CNTRL: variants seen among roughly 807,000 people sequenced by gnomAD.
CNTRL encodes centriolin, also known as 110 kDa centrosomal protein.
A neutral mutation model predicts 303.7 loss-of-function variants in CNTRL; 233 were observed. The observed-to-expected ratio is 0.77, with a 90% CI of 0.69 to 0.86. CNTRL has a LOEUF of 0.86. CNTRL is among the 40% of genes least tolerant of loss of function. CNTRL has a pLI of 0.00. For missense variants in CNTRL, 2,524 were observed against 2,650.6 expected (o/e 0.95, Z 1.05); for synonymous variants, 900 against 922.2 (o/e 0.98, Z 0.44).
At chr9:121,118,973 G>C (rs991280911) in intron 12 of CNTRL, among the ~76,000 whole-genome samples, 15 of 152,122 alleles carry the variant, frequency 9.9e-5, no homozygotes, top group Admixed American at 1.3e-4. Flanking sequence ...GGTATCTGCA[G>C]GGAATCCTGG....
intron 1 of CNTRL, among the ~76,000 whole-genome samples, chr9:121,080,105 A>G (rs931387009): frequency 6.6e-6 from 1 of 152,238 alleles, no homozygotes; most frequent in Non-Finnish European, 1.5e-5. Flanking sequence ...TGGTCATTAA[A>G]AACATGGGTT....
chr9:121,146,860 G>A (rs549388886), intron 23 of CNTRL, among the ~76,000 whole-genome samples: 5 of 152,338 alleles, frequency 3.3e-5, no homozygotes, highest in African/African-American at 9.6e-5. Context: ...AGCAGTGAGC[G>A]TTGGGCTTTT....
intron 6 of CNTRL, among the ~76,000 whole-genome samples, chr9:121,097,011 C>G (rs2048921501): frequency 6.6e-6 from 1 of 150,564 alleles, no homozygotes; most frequent in African/African-American, 2.4e-5. Flanking sequence ...TTCAAATTTA[C>G]CAGTTTATTT....
intron 2 of CNTRL, among the ~76,000 whole-genome samples, chr9:121,081,742 C>T (rs1376029518): frequency 6.6e-6 from 1 of 152,230 alleles, no homozygotes; most frequent in African/African-American, 2.4e-5. Flanking sequence ...TTCCAGACAC[C>T]TCCACATGTT....
chr9:121,171,726 T>TA, intron 40 of CNTRL, 178 bp downstream of exon 40: 1 of 481,796 alleles, frequency 2.1e-6, no homozygotes, highest in Non-Finnish European at 3.6e-6. Flanking sequence ...CCTTGACTAT[T>TA]AAAAATATAA....
intron 9 of CNTRL, 78 bp from the exon 10 acceptor site, chr9:121,113,424 C>A: frequency 2.9e-6 from 2 of 691,616 alleles, no homozygotes; most frequent in Non-Finnish European, 2.3e-6. Context: ...GATATGTTTG[C>A]CACTAATAAA....
At chr9:121,103,158 G>C (rs1424869427) in intron 7 of CNTRL, among the ~76,000 whole-genome samples, 1 of 152,122 alleles carries the variant, frequency 6.6e-6, no homozygotes, top group African/African-American at 2.4e-5. Context: ...ATACTACAAG[G>C]CTACAGTAAA....
chr9:121,088,018 G>T (rs879443903), intron 2 of CNTRL, among the ~76,000 whole-genome samples: 6 of 152,264 alleles, frequency 3.9e-5, no homozygotes, highest in Middle Eastern at 3.4e-3. Flanking sequence ...TGGGTAAAAG[G>T]GGCCTTGGGA....
Position 121,108,006 on chromosome 9 carries a change from A to AT in CNTRL, c.1002+15dup. 1 of 1,544,176 alleles carries AT rather than the reference A, an allele frequency of 6.5e-7. No homozygotes were observed. The highest frequency in any genetic ancestry group is 1.2e-5 in the South Asian group (1 of 80,874). The stretch of plus-strand genomic sequence containing the variant: ...ACAAAAAATGAATTGGTAAGTTCAT[A>AT]TTTTACATTGCTTTGGCTGTATTCT... On this transcript the variant is annotated intron_variant, in intron 8 of 43. Transcript: ENST00000373855.
At chr9:121,171,718 T>G (rs868838175) in intron 40 of CNTRL, 170 bp downstream of exon 40, 69 of 500,750 alleles carry the variant, frequency 1.4e-4, no homozygotes, top group African/African-American at 1.2e-3. Flanking sequence ...GAAACACACC[T>G]TGACTATTAA....
In CNTRL at chr9:121,173,263, G is replaced by T; in HGVS notation, c.6438G>T (p.Leu2146Phe). 1 of 1,610,542 alleles carries T rather than the reference G, an allele frequency of 6.2e-7. No individual in the cohort carries two copies. The highest frequency in any genetic ancestry group is 1.1e-5 in the South Asian group (1 of 90,234). ...LKKQMANQKD[L>F]ERRQMEISDA... ...TTTAGATGGCAAACCAAAAAGATTTGGAGAGAAGACAAATGGAAATCAGTG... is the reference window on the plus strand; with the variant it reads ...TTTAGATGGCAAACCAAAAAGATTTTGAGAGAAGACAAATGGAAATCAGTG... Residue 2146 changes from leucine to phenylalanine, a missense_variant, in exon 41 of 44, where the codon TTG becomes TTT. Leu to Phe is a conservative substitution (Grantham distance 22). Coordinates refer to ENST00000373855, the MANE Select transcript of CNTRL (RefSeq NM_007018.6).
At position 121,138,563 on chromosome 9, in the gene CNTRL, C is replaced by T. The variant is rs373327837; in HGVS notation, c.2221C>T (p.Gln741Ter). 52 of 1,613,718 alleles carry T rather than the reference C, an allele frequency of 3.2e-5. No individual in the cohort carries two copies. Among genetic ancestry groups the T allele is most frequent in the Non-Finnish European group, 4.2e-5 (50 of 1,179,804 alleles). ...RLTQLEQSAL[Q>*]AELEKERQAL... ...GTGACAGTTAGAACAATCAGCCCTTCAAGCAGAACTTGAGAAGGAAAGGCA... is the reference window on the plus strand; with the variant it reads ...GTGACAGTTAGAACAATCAGCCCTTTAAGCAGAACTTGAGAAGGAAAGGCA... Residue 741 changes from glutamine to a stop codon, truncating the protein, a stop_gained, in exon 16 of 44, where the codon CAA becomes TAA. Transcript: ENST00000373855. LOFTEE classifies it high-confidence loss of function.
At chr9:121,167,396 G>A (rs146682773) in intron 36 of CNTRL, 93 bp from the exon 37 acceptor site, 4 of 971,270 alleles carry the variant, frequency 4.1e-6, no homozygotes, top group African/African-American at 1.6e-5. Context: ...TATGCCTCTC[G>A]TTCTGTCAGA....
At chr9:121,138,776 T>A in intron 16 of CNTRL, 97 bp downstream of exon 16, 1 of 1,254,380 alleles carries the variant, frequency 8.0e-7, no homozygotes, top group Non-Finnish European at 1.1e-6. Flanking sequence ...TAACATGTAG[T>A]AAGCAATTTG....
chr9:121,154,805 T>G lies in CNTRL; in HGVS notation c.4257T>G (p.Asp1419Glu). Residue 1419 changes from aspartate (D) to glutamate (E), a missense_variant, in exon 27 of 44, where the codon GAT becomes GAG. Coordinates refer to ENST00000373855, the MANE Select transcript of CNTRL (RefSeq NM_007018.6). ...TCAAACATCATGAAGATATTGTAGA[T>G]GAAATTGAGTGCATTGAGAAGACTC... is the stretch of plus-strand genomic sequence containing the variant. ...KSLKHHEDIV[D>E]EIECIEKTLL... The G allele has an allele frequency of 1.2e-6, 2 of 1,613,016 alleles. No homozygotes were observed. The highest frequency in any genetic ancestry group is 1.7e-6 in the Non-Finnish European group (2 of 1,179,012).
rs573619351 is a variant in CNTRL, at chr9:121,158,894, C to G, written c.4804C>G (p.Gln1602Glu). ...GCAGGAGATGGCTGTCTTGGACAGG[C>G]AGTTAGGGCATAAAAAGGAGGAGCT... is the stretch of plus-strand genomic sequence containing the variant. ...QQQEMAVLDR[Q>E]LGHKKEELHL... is the part of the protein sequence containing the mutation. The change falls in exon 31 of 44, where the codon CAG becomes GAG. Residue 1602 changes from glutamine (Q) to glutamate (E), a missense_variant. Coordinates refer to ENST00000373855, the MANE Select transcript of CNTRL (RefSeq NM_007018.6). The G allele has an allele frequency of 1.6e-5, 26 of 1,614,032 alleles. No homozygotes were observed. The African/African-American group carries it at 2.8e-4, about 17-fold the overall frequency.
At position 121,153,487 on chromosome 9, in the gene CNTRL, C is replaced by T. The variant is rs531387595; in HGVS notation, c.4172+794C>T. 2.0e-5 allele frequency among the ~76,000 whole-genome samples: 3 copies of T among 152,188 alleles called. No homozygotes were observed. The East Asian group carries it at 5.8e-4, about 29-fold the overall frequency. ...CTTCAAAATAAAGGTCAGAGATCCC[C>T]TCTCTTTTTTTTCTCATTAAAAGCC... On this transcript the variant is annotated intron_variant, in intron 26 of 43. Coordinates refer to ENST00000373855, the MANE Select transcript of CNTRL (RefSeq NM_007018.6).
chr9:121,087,412 C>T (rs1588054896), intron 2 of CNTRL, among the ~76,000 whole-genome samples: 1 of 152,044 alleles, frequency 6.6e-6, no homozygotes, highest in Admixed American at 6.6e-5. Flanking sequence ...ATCGGCTGGG[C>T]ATGATGGCTC....
intron 4 of CNTRL, among the ~76,000 whole-genome samples, chr9:121,093,874 C>G (rs1055900090): frequency 6.6e-6 from 1 of 152,070 alleles, no homozygotes; most frequent in African/African-American, 2.4e-5. Context: ...TGAGATCATG[C>G]AAGAGCATAA....
Sources: gnomAD v4.1 joint callset for allele counts (sites outside exome capture counted in the v4.1 genomes callset) on GRCh38, gnomAD v4.1.1 for gene constraint, MANE v1.5 for transcripts, NCBI Gene and HGNC (gene_info 2026-07-23, HGNC 2026-07-21) for gene names.